The following HECTD2 variants were observed in gnomAD, a reference collection of about 807,000 sequenced individuals.
HECTD2 encodes probable E3 ubiquitin-protein ligase HECTD2.
Under a neutral mutation model 103.2 loss-of-function variants are expected in HECTD2, and 35 were observed. That is an observed-to-expected ratio of 0.34 (90% CI 0.26 to 0.45). The LOEUF is 0.45. Ranked by LOEUF, HECTD2 falls within the 20% of genes least tolerant of loss-of-function variation. The pLI, the probability that HECTD2 is intolerant of heterozygous loss-of-function variation, is 1.00. For missense variants in HECTD2, 596 were observed against 937.4 expected (o/e 0.64, Z 4.76); for synonymous variants, 281 against 329.9 (o/e 0.85, Z 1.61).
At chr10:91,500,370 TTC>T in intron 18 of HECTD2, 130 bp from the exon 19 acceptor site, 1 of 442,252 alleles carries the variant, frequency 2.3e-6, no homozygotes, top group Non-Finnish European at 4.1e-6. Context: ...GAGTCGATTT[TTC>T]TTCAACAAAA....
At chr10:91,509,404 G>A (rs1380315357) in intron 20 of HECTD2, among the ~76,000 whole-genome samples, 1 of 152,112 alleles carries the variant, frequency 6.6e-6, no homozygotes, top group Non-Finnish European at 1.5e-5. Flanking sequence ...GCAGTATGGA[G>A]GTTTCTTAAA....
chr10:91,481,040 A>G, intron 6 of HECTD2, 54 bp from the exon 7 acceptor site: 1 of 1,087,816 alleles, frequency 9.2e-7, no homozygotes, highest in Admixed American at 2.3e-5. Flanking sequence ...TTTTCGTTAG[A>G]TGCTATGAGA....
chr10:91,471,003 GACAC>G lies in HECTD2; in HGVS notation c.601-7193_601-7190del, dbSNP rs1175828600. 3.5e-5 allele frequency among the ~76,000 whole-genome samples: 5 copies of G among 143,904 alleles called. 1 individual carries two copies. Among genetic ancestry groups the G allele is most frequent in the Admixed American group, 6.7e-5 (1 of 15,010 alleles). The allele number at this position is 143,904 out of a possible 152,430, so 94.4% of individuals were successfully genotyped here. On this transcript the variant is annotated intron_variant, in intron 5 of 20. Coordinates refer to ENST00000298068, the MANE Select transcript of HECTD2 (RefSeq NM_182765.6). ...ACACACACACACGCACACACACACA[GACAC>G]ACACGCACACACACAAAGAAAACCT... is the stretch of plus-strand genomic sequence containing the variant.
At chr10:91,452,574 A>G (rs1844881088) in intron 2 of HECTD2, among the ~76,000 whole-genome samples, 1 of 152,040 alleles carries the variant, frequency 6.6e-6, no homozygotes, top group Non-Finnish European at 1.5e-5. Context: ...TTCATGGGTT[A>G]TCATGGGAAT....
intron 1 of HECTD2, among the ~76,000 whole-genome samples, chr10:91,423,449 C>A (rs985468153): frequency 1.3e-5 from 2 of 152,088 alleles, no homozygotes; most frequent in Non-Finnish European, 1.5e-5. Flanking sequence ...GAGCTGAAAT[C>A]TGGCCAAGAA....
In HECTD2 at chr10:91,410,519, G is replaced by A. The variant is rs764482557; in HGVS notation, c.81G>A (p.Lys27=). 19 of 1,480,348 alleles carry A rather than the reference G, an allele frequency of 1.3e-5. No individual in the cohort carries two copies. The South Asian group carries it at 2.3e-4, about 18-fold the overall frequency. The allele number at this position is 1,480,348 out of a possible 1,614,324, so 91.7% of individuals were successfully genotyped here. Residue 27 remains lysine, a synonymous_variant, in exon 1 of 21, where the codon AAG becomes AAA. Transcript: ENST00000298068. ...CCGCGCCTGAGGAGAGGAAAGGGAA[G>A]GAGTCAGAGCGCGAGAAGCTGCCGC... ...AAPAPEERKG[K]ESEREKLPPI...
Position 91,460,444 on chromosome 10 carries a change from A to G in HECTD2, c.286A>G (p.Ile96Val), listed in dbSNP as rs757949507. 1.2e-6 allele frequency: 2 copies of G among 1,605,510 alleles called. No individual in the cohort carries two copies. The highest frequency in any genetic ancestry group is 1.1e-5 in the South Asian group (1 of 88,740). ...NIKNVREPPP[I>V]CLDVRQKQRT... ...CTTCACAGTGAGAGAACCACCACCA[A>G]TTTGCCTTGATGTTAGACAAAAACA... Residue 96 changes from isoleucine to valine, a missense_variant, in exon 3 of 21, where the codon ATT becomes GTT. Physicochemically the swap from Ile to Val is conservative, Grantham distance 29. Coordinates refer to ENST00000298068, the MANE Select transcript of HECTD2 (RefSeq NM_182765.6).
At chr10:91,459,125 G>T (rs2133195095) in intron 2 of HECTD2, among the ~76,000 whole-genome samples, 1 of 152,070 alleles carries the variant, frequency 6.6e-6, no homozygotes, top group Non-Finnish European at 1.5e-5. Context: ...ATTAAAAGCT[G>T]TTCAACCTCA....
chr10:91,486,073 A>T (rs1490206794), intron 10 of HECTD2: 1 of 152,078 alleles, frequency 6.6e-6, no homozygotes, highest in Non-Finnish European at 1.5e-5. Flanking sequence ...TGTTCAGGAG[A>T]TTGCATTTAA....
intron 6 of HECTD2, among the ~76,000 whole-genome samples, chr10:91,479,688 A>G (rs2133272178): frequency 6.6e-6 from 1 of 152,332 alleles, no homozygotes; most frequent in East Asian, 1.9e-4. Flanking sequence ...AAATTTTTTT[A>G]GAAATATAAT....
At chr10:91,436,218 C>T (rs1844111809) in intron 2 of HECTD2, among the ~76,000 whole-genome samples, 1 of 151,896 alleles carries the variant, frequency 6.6e-6, no homozygotes, top group South Asian at 2.1e-4. Context: ...TGATTTTCTG[C>T]TCATGGTTAA....
Position 91,483,025 on chromosome 10 carries a change from T to C in HECTD2, c.770T>C (p.Ile257Thr). The change falls in exon 8 of 21, where the codon ATA (isoleucine) becomes ACA (threonine). Residue 257 changes from isoleucine (I) to threonine (T), a missense_variant. By Grantham distance (89) the Ile-to-Thr change is moderately conservative. Around this residue, in one of 4 missense-constraint regions of HECTD2, gnomAD observed 303 missense variants for 522.5 expected, o/e 0.58. Coordinates refer to ENST00000298068, the MANE Select transcript of HECTD2 (RefSeq NM_182765.6). ...YVIYAHLLRQIATLVEADHHF... is the reference protein window; with the variant it reads ...YVIYAHLLRQTATLVEADHHF... Reference sequence around the variant, plus strand: ...ATCTATGCTCACTTGCTACGACAGATAGCTACCTTAGTGGAAGCTGACCAT... The same window carrying C: ...ATCTATGCTCACTTGCTACGACAGACAGCTACCTTAGTGGAAGCTGACCAT... 1 of 1,592,094 alleles carries C rather than the reference T, an allele frequency of 6.3e-7. No individual in the cohort carries two copies. Among genetic ancestry groups the C allele is most frequent in the South Asian group, 1.1e-5 (1 of 90,064 alleles).
intron 5 of HECTD2, among the ~76,000 whole-genome samples, chr10:91,471,694 C>T (rs770588844): frequency 4.6e-5 from 7 of 152,124 alleles, no homozygotes; most frequent in Non-Finnish European, 7.4e-5. Flanking sequence ...AAATCAAGAA[C>T]GCAATTCCAC....
chr10:91,511,576 T>A (rs1847419936), intron 20 of HECTD2, among the ~76,000 whole-genome samples: 1 of 151,590 alleles, frequency 6.6e-6, no homozygotes, highest in Non-Finnish European at 1.5e-5. Context: ...GAGTGGGAGG[T>A]GGTGGTAGTT....
At chr10:91,425,126 A>C (rs1447798116) in intron 1 of HECTD2, among the ~76,000 whole-genome samples, 155 bp from the exon 2 acceptor site, 1 of 152,074 alleles carries the variant, frequency 6.6e-6, no homozygotes, top group Non-Finnish European at 1.5e-5. Context: ...TGAGACAGTT[A>C]AGTCCTAGAA....
At chr10:91,433,455 C>A (rs189718322) in intron 2 of HECTD2, among the ~76,000 whole-genome samples, 36 of 151,892 alleles carry the variant, frequency 2.4e-4, no homozygotes, top group Non-Finnish European at 3.4e-4. Flanking sequence ...GCTTTTTGTC[C>A]AGTTCATGTA....
At chr10:91,415,457 C>G (rs1279020168) in intron 1 of HECTD2, among the ~76,000 whole-genome samples, 1 of 152,052 alleles carries the variant, frequency 6.6e-6, no homozygotes, top group Non-Finnish European at 1.5e-5. Flanking sequence ...TAAGCATTTG[C>G]CATGTATTCT....
rs1430949205 is a variant in HECTD2, at chr10:91,492,497, T to A, written c.1432+13T>A. On this transcript the variant is annotated intron_variant, in intron 13 of 20. Transcript: ENST00000298068. The stretch of plus-strand genomic sequence containing the variant: ...CATCCAGATTATGGTAAGTATGTAA[T>A]CTAATTTTTATAAACTGTGTTTCTT... 3.8e-6 allele frequency: 6 copies of A among 1,584,932 alleles called. No homozygotes were observed. The highest frequency in any genetic ancestry group is 5.2e-6 in the Non-Finnish European group (6 of 1,157,020).
chr10:91,491,220 A>G lies in HECTD2; in HGVS notation c.1212A>G (p.Val404=), dbSNP rs779508063. Residue 404 remains valine (V), a synonymous_variant, in exon 12 of 21, where the codon GTA becomes GTG. Transcript: ENST00000298068. ...NIARQSLVDK[V]SRRQRPDMNI... is the part of the protein sequence containing the mutation. ...ATCAGCAAAGTCTGGTGGATAAAGT[A>G]TCTCGAAGACAGAGACCTGATATGA... 7 of 1,572,966 alleles carry G rather than the reference A, an allele frequency of 4.5e-6. No individual in the cohort carries two copies. The highest frequency in any genetic ancestry group is 4.5e-5 in the East Asian group (2 of 44,000).
Sources: gnomAD v4.1 joint callset for allele counts (sites outside exome capture counted in the v4.1 genomes callset) on GRCh38, gnomAD v4.1.1 for gene constraint, gnomAD v4.1.1 regional missense constraint, MANE v1.5 for transcripts, NCBI Gene and HGNC (gene_info 2026-07-23, HGNC 2026-07-21) for gene names.